The following RORA variants were observed in gnomAD, a reference collection of about 807,000 sequenced individuals.
RORA encodes the protein RAR related orphan receptor A.
Under a neutral mutation model 69.5 loss-of-function variants are expected in RORA, and 7 were observed. The ratio of observed to expected loss-of-function variants is 0.10; its 90% CI spans 0.06 to 0.19. The LOEUF is 0.19. Among genes scored for constraint, RORA ranks in the 10% least tolerant of loss-of-function variants. RORA has a pLI of 1.00. For synonymous variants in RORA, 261 were observed against 240.8 expected, an observed-to-expected ratio of 1.08 and a Z score of -0.78; for missense variants, 457 against 663.0, an observed-to-expected ratio of 0.69 and a Z score of 3.41.
chr15:61,156,921 G>C (rs1596033540), intron 1 of RORA, among the ~76,000 whole-genome samples: 1 of 152,168 alleles, frequency 6.6e-6, no homozygotes, highest in African/African-American at 2.4e-5. Flanking sequence ...TGGTGAGAAG[G>C]ATGTTCATCT....
chr15:60,830,370 G>A (rs867991699), intron 1 of RORA, among the ~76,000 whole-genome samples: 11 of 152,124 alleles, frequency 7.2e-5, no homozygotes, highest in South Asian at 4.1e-4. Flanking sequence ...ACAAAATTGG[G>A]ATCATGCTGC....
At chr15:60,855,765 C>T (rs902292383) in intron 1 of RORA, among the ~76,000 whole-genome samples, 15 of 152,052 alleles carry the variant, frequency 9.9e-5, no homozygotes, top group African/African-American at 2.4e-4. Context: ...CACAGGCGCC[C>T]GCCACCACTC....
At chr15:60,717,753 T>A (rs2071238287) in intron 1 of RORA, among the ~76,000 whole-genome samples, 1 of 151,768 alleles carries the variant, frequency 6.6e-6, no homozygotes, top group Non-Finnish European at 1.5e-5. Flanking sequence ...TCTGGATAAT[T>A]GATTAATAAG....
At chr15:60,829,024 C>A (rs954251119) in intron 1 of RORA, among the ~76,000 whole-genome samples, 11 of 152,194 alleles carry the variant, frequency 7.2e-5, no homozygotes, top group Non-Finnish European at 1.2e-4. Context: ...AGAAGTTTTG[C>A]ACACCCCATG....
At chr15:60,522,308 C>T (rs1006161898) in intron 3 of RORA, among the ~76,000 whole-genome samples, 26 of 152,156 alleles carry the variant, frequency 1.7e-4, no homozygotes, top group African/African-American at 6.0e-4. Context: ...TGTGAAAGAG[C>T]GGGTCGGGTG....
At chr15:60,700,736 A>T (rs558193964) in intron 1 of RORA, among the ~76,000 whole-genome samples, 1 of 152,216 alleles carries the variant, frequency 6.6e-6, no homozygotes, top group African/African-American at 2.4e-5. Context: ...AAGACCTCCA[A>T]GCTTTTTTCT....
At chr15:60,896,732 C>CTTTTTTTT (rs66780614) in intron 1 of RORA, among the ~76,000 whole-genome samples, 1 of 117,170 alleles carries the variant, frequency 8.5e-6, no homozygotes, top group Non-Finnish European at 1.9e-5. Context: ...GAGAATTTAG[C>CTTTTTTTT]TTTTTTTTTT....
intron 1 of RORA, among the ~76,000 whole-genome samples, chr15:60,940,118 G>T (rs1892647287): frequency 6.6e-6 from 1 of 152,112 alleles, no homozygotes; most frequent in Admixed American, 6.6e-5. Context: ...AGCATTTTTT[G>T]AAAATGTTTC....
intron 1 of RORA, among the ~76,000 whole-genome samples, chr15:60,926,487 C>A (rs1298028408): frequency 6.6e-6 from 1 of 152,222 alleles, no homozygotes; most frequent in Non-Finnish European, 1.5e-5. Flanking sequence ...CATTGACTTC[C>A]CAGTGAAACA....
In RORA at chr15:60,494,495, A is replaced by G. The variant is rs1206732098; in HGVS notation, c.*2960T>C. 1.3e-5 allele frequency: 2 copies of G among 152,260 alleles called. No homozygotes were observed. The highest frequency in any genetic ancestry group is 4.8e-5 in the African/African-American group (2 of 41,476). 9.4% of individuals were successfully genotyped at this position (152,260 alleles called of 1,614,324 possible). A position where few individuals can be genotyped will look rare whatever the true frequency, so the allele number is the denominator to read the frequency against. ...ATAATTGTTCTGATATCACCCAAGT[A>G]TTTTATGTCATCACATAGGTGTTTT... On this transcript the variant is annotated 3_prime_UTR_variant, in exon 11 of 11. Transcript: ENST00000335670.
intron 1 of RORA, among the ~76,000 whole-genome samples, chr15:61,007,980 TA>T (rs1451802273): frequency 6.6e-6 from 1 of 151,650 alleles, no homozygotes; most frequent in East Asian, 1.9e-4. Context: ...TGTATTTCTT[TA>T]AAAAATGAAT....
chr15:60,558,120 A>T, intron 2 of RORA: 1 of 702,938 alleles, frequency 1.4e-6, no homozygotes. Flanking sequence ...GTCTAGAAGT[A>T]TGCCCAGTGC....
chr15:60,703,454 C>T (rs977459639), intron 1 of RORA, among the ~76,000 whole-genome samples: 18 of 152,168 alleles, frequency 1.2e-4, no homozygotes, highest in Admixed American at 3.3e-4. Flanking sequence ...GAACATAGAA[C>T]GCACAGAGAA....
chr15:61,139,639 G>A (rs2079279110), intron 1 of RORA, among the ~76,000 whole-genome samples: 1 of 152,210 alleles, frequency 6.6e-6, no homozygotes, highest in African/African-American at 2.4e-5. Flanking sequence ...GCACTTCAGA[G>A]AAGCTGATGT....
chr15:60,767,637 C>T (rs2072010705), intron 1 of RORA, among the ~76,000 whole-genome samples: 1 of 152,202 alleles, frequency 6.6e-6, no homozygotes, highest in African/African-American at 2.4e-5. Context: ...CTGCTCTAGT[C>T]TAACCACACC....
intron 1 of RORA, among the ~76,000 whole-genome samples, chr15:60,685,299 C>T (rs1266444885): frequency 2.6e-5 from 4 of 152,206 alleles, no homozygotes; most frequent in Non-Finnish European, 5.9e-5. Flanking sequence ...CTGTGCTCTC[C>T]TTACTTCTTT....
chr15:60,826,855 G>A (rs376636196), intron 1 of RORA, among the ~76,000 whole-genome samples: 302 of 147,936 alleles, frequency 2.0e-3, no homozygotes, highest in African/African-American at 7.3e-3. Flanking sequence ...GATATTTACT[G>A]TCTTCAGGTT....
At chr15:60,627,332 C>T (rs1341441858) in intron 2 of RORA, 5 of 1,614,062 alleles carry the variant, frequency 3.1e-6, no homozygotes, top group South Asian at 1.1e-5. Context: ...GGCACTCTTG[C>T]CTCAGTCTCT....
chr15:60,698,570 G>T (rs1596136109), intron 1 of RORA, among the ~76,000 whole-genome samples: 1 of 148,662 alleles, frequency 6.7e-6, no homozygotes, highest in Non-Finnish European at 1.5e-5. Flanking sequence ...TACTTTTTTG[G>T]TTATTAAAAG....
Sources: allele counts gnomAD v4.1 joint callset (sites outside exome capture counted in the v4.1 genomes callset), GRCh38; gene constraint gnomAD v4.1.1; transcripts MANE v1.5; gene names NCBI Gene and HGNC (gene_info 2026-07-23, HGNC 2026-07-21).